The following DST variants were observed in gnomAD, a reference collection of about 807,000 sequenced individuals.
The protein encoded by DST is bullous pemphigoid antigen.
Under a neutral mutation model 875.2 loss-of-function variants are expected in DST, and 253 were observed. That is an observed-to-expected ratio of 0.29 (90% CI 0.26 to 0.32). DST has a LOEUF of 0.32. DST is among the 10% of genes least tolerant of loss of function. DST has a pLI of 1.00. For synonymous variants in DST, 3,124 were observed against 3,197.1 expected (o/e 0.98, Z 0.77); for missense variants, 8,287 against 9,111.6 (o/e 0.91, Z 3.68).
chr6:56,814,911 A>G (rs1257681370), intron 4 of DST, among the ~76,000 whole-genome samples: 1 of 152,200 alleles, frequency 6.6e-6, no homozygotes, highest in East Asian at 1.9e-4. Context: ...GTCACTTACA[A>G]AATTACAGCA....
intron 4 of DST, among the ~76,000 whole-genome samples, chr6:56,802,744 T>C (rs1340806818): frequency 6.6e-6 from 1 of 152,190 alleles, no homozygotes; most frequent in Non-Finnish European, 1.5e-5. Context: ...AGGAGCACCA[T>C]GTGGCCTCTT....
chr6:56,764,725 A>G (rs1234346766), intron 4 of DST, among the ~76,000 whole-genome samples: 1 of 152,142 alleles, frequency 6.6e-6, no homozygotes, highest in African/African-American at 2.4e-5. Flanking sequence ...TGGGAGGCCG[A>G]GGTGGGTGGA....
intron 90 of DST, among the ~76,000 whole-genome samples, chr6:56,479,669 C>T (rs1204653129): frequency 1.3e-5 from 2 of 152,136 alleles, no homozygotes; most frequent in Non-Finnish European, 2.9e-5. Flanking sequence ...AGTGAAGTAA[C>T]TCAAACAGAA....
chr6:56,701,924 A>G lies in DST; in HGVS notation c.918T>C (p.Asn306=). The G allele has an allele frequency of 6.2e-7, 1 of 1,612,344 alleles. No individual in the cohort carries two copies. The highest frequency in any genetic ancestry group is 1.1e-5 in the South Asian group (1 of 90,912). The part of the protein sequence containing the change: ...KGRMRFHRLQ[N]VQIALDYLKR... ...TCAAATAGTCAAGTGCAATTTGTAC[A>G]TTCTGTAGTCTGTGAAAACGCATCC... The change falls in exon 8 of 104, where the codon AAT becomes AAC. Residue 306 remains asparagine, a synonymous_variant. Transcript: ENST00000680361.
In DST at chr6:56,509,622, C is replaced by A. The variant is rs1562457372; in HGVS notation, c.19012+20G>T. The A allele has an allele frequency of 5.7e-6, 9 of 1,581,234 alleles. No individual in the cohort carries two copies. In the Admixed American group the frequency reaches 1.5e-4, roughly 27 times the overall value. The stretch of plus-strand genomic sequence containing the variant: ...ATTTAGAATGCTTTAAAATTTGTTT[C>A]CCTATTCCAAAAGTATTACCTTTGG... On this transcript the variant is annotated intron_variant, in intron 74 of 103. Coordinates refer to ENST00000680361, the MANE Select transcript of DST (RefSeq NM_001374736.1).
intron 2 of DST, among the ~76,000 whole-genome samples, chr6:56,903,349 G>T (rs537648143): frequency 6.6e-6 from 1 of 152,186 alleles, no homozygotes; most frequent in Non-Finnish European, 1.5e-5. Flanking sequence ...AAAACATGCT[G>T]TCACAGCCAT....
At chr6:56,589,057 T>C (rs2098220237) in intron 49 of DST, among the ~76,000 whole-genome samples, 1 of 152,026 alleles carries the variant, frequency 6.6e-6, no homozygotes, top group Admixed American at 6.6e-5. Context: ...CCTCCGAAAA[T>C]TTTTTTTAGA....
At chr6:56,589,170 A>G (rs2098222646) in intron 49 of DST, among the ~76,000 whole-genome samples, 1 of 152,228 alleles carries the variant, frequency 6.6e-6, no homozygotes, top group African/African-American at 2.4e-5. Context: ...TCTAAAAGTG[A>G]TCATGGTTCT....
Position 56,506,519 on chromosome 6 carries a change from T to A in DST, c.19388A>T (p.Asn6463Ile). Residue 6463 changes from asparagine (N) to isoleucine (I), a missense_variant, in exon 77 of 104, where the codon AAT (asparagine) becomes ATT (isoleucine). Physicochemically the swap from Asn to Ile is moderately radical, Grantham distance 149. Coordinates refer to ENST00000680361, the MANE Select transcript of DST (RefSeq NM_001374736.1). ...DELNSAWDSL[N>I]KAWKDRIDKL... ...GTCAATCCGGTCTTTCCAAGCTTTA[T>A]TTAGAGAATCCCATGCTGAATTTAA... The A allele has an allele frequency of 6.2e-7, 1 of 1,613,076 alleles. No individual in the cohort carries two copies. Among genetic ancestry groups the A allele is most frequent in the South Asian group, 1.1e-5 (1 of 90,922 alleles).
In DST at chr6:56,619,744, C is replaced by T. The variant is rs533016750; in HGVS notation, c.4929+4786G>A. The T allele has an allele frequency of 3.6e-5, 58 of 1,614,130 alleles. No individual in the cohort carries two copies. The highest frequency in any genetic ancestry group is 1.6e-4 in the Middle Eastern group (1 of 6,062). On this transcript the variant is annotated intron_variant, in intron 36 of 103. Coordinates refer to ENST00000680361, the MANE Select transcript of DST (RefSeq NM_001374736.1). Reference sequence around the variant, plus strand: ...TGAGTTGTTGAGAATACCCTTTCTCCGCCTGATCCTTCCTTTCCAGCTCCA... The same window carrying T: ...TGAGTTGTTGAGAATACCCTTTCTCTGCCTGATCCTTCCTTTCCAGCTCCA...
chr6:56,587,575 T>TC lies in DST; in HGVS notation c.12903+4606dup, dbSNP rs559974073. ...AATACAGAGAATGCCACAAAGATAC[T>TC]CCTCGAGAGGAGCAACTCCAAGACA... is the stretch of plus-strand genomic sequence containing the variant. On this transcript the variant is annotated intron_variant, in intron 49 of 103. Transcript: ENST00000680361. 2.1e-4 allele frequency among the ~76,000 whole-genome samples: 32 copies of TC among 152,086 alleles called. No individual in the cohort carries two copies. The East Asian group carries it at 5.8e-3, about 28-fold the overall frequency.
intron 61 of DST, 53 bp from the exon 62 acceptor site, chr6:56,536,993 A>C: frequency 6.7e-7 from 1 of 1,493,994 alleles, no homozygotes; most frequent in African/African-American, 1.4e-5. Flanking sequence ...TCAACCGCCA[A>C]ATATATAATA....
intron 71 of DST, among the ~76,000 whole-genome samples, chr6:56,516,831 G>A (rs1326073461): frequency 4.6e-5 from 7 of 152,072 alleles, no homozygotes; most frequent in Non-Finnish European, 1.0e-4. Context: ...TTTTTATTAA[G>A]AGGCCCAAAT....
Position 56,605,666 on chromosome 6 carries a change from G to C in DST, c.8962C>G (p.Pro2988Ala). ...GKDEYFKNMT[P>A]KVDSSLDHII... ...TGATCAAGAGATGAGTCAACTTTTG[G>C]TGTCATATTCTTAAAATATTCATCT... Residue 2988 changes from proline (P) to alanine (A), a missense_variant, in exon 40 of 104, where the codon CCA becomes GCA. Coordinates refer to ENST00000680361, the MANE Select transcript of DST (RefSeq NM_001374736.1). The C allele has an allele frequency of 6.2e-7, 1 of 1,612,864 alleles. No individual in the cohort carries two copies. Among genetic ancestry groups the C allele is most frequent in the Non-Finnish European group, 8.5e-7 (1 of 1,179,346 alleles).
In DST at chr6:56,466,007, A is replaced by G. The variant is rs551802433; in HGVS notation, c.22687+71T>C. The G allele has an allele frequency of 7.2e-6, 9 of 1,252,004 alleles. No individual in the cohort carries two copies. In the Middle Eastern group the frequency reaches 5.6e-4, roughly 78 times the overall value. The allele number at this position is 1,252,004 out of a possible 1,614,324, so 77.6% of individuals were successfully genotyped here. ...ATAAATGACCAAAATTATGCCCAGT[A>G]TGTTTTGGTGCTGGATATAATATAA... On this transcript the variant is annotated intron_variant, in intron 99 of 103. Coordinates refer to ENST00000680361, the MANE Select transcript of DST (RefSeq NM_001374736.1).
chr6:56,636,762 A>G, intron 22 of DST, 110 bp from the exon 23 acceptor site: 1 of 930,396 alleles, frequency 1.1e-6, no homozygotes, highest in Admixed American at 1.8e-5. Context: ...TAGATGACCA[A>G]TTGTTTTGGC....
At chr6:56,889,491 G>T (rs1786278513) in intron 3 of DST, among the ~76,000 whole-genome samples, 1 of 152,202 alleles carries the variant, frequency 6.6e-6, no homozygotes, top group African/African-American at 2.4e-5. Flanking sequence ...CAGAGGCTAA[G>T]ATTTTGCCAG....
intron 83 of DST, 116 bp from the exon 84 acceptor site, chr6:56,493,205 C>T (rs1448392933): frequency 1.3e-6 from 1 of 793,306 alleles, no homozygotes; most frequent in Non-Finnish European, 1.9e-6. Context: ...TTATGCATAT[C>T]TATTAATATA....
chr6:56,488,919 T>TA (rs1220277385), intron 86 of DST, among the ~76,000 whole-genome samples: 2 of 152,178 alleles, frequency 1.3e-5, no homozygotes, highest in Non-Finnish European at 2.9e-5. Context: ...AGAAAATATT[T>TA]AAAAAACAAT....
Sources: allele counts gnomAD v4.1 joint callset (sites outside exome capture counted in the v4.1 genomes callset), GRCh38; gene constraint gnomAD v4.1.1; transcripts MANE v1.5; gene names NCBI Gene and HGNC (gene_info 2026-07-23, HGNC 2026-07-21).